The following TMTC2 variants were observed in gnomAD, a reference collection of about 807,000 sequenced individuals.
The protein encoded by TMTC2 is protein O-mannosyl-transferase TMTC2.
TMTC2 carries 43 observed loss-of-function variants against 82.4 expected under a neutral mutation model. That is an observed-to-expected ratio of 0.52 (90% CI 0.41 to 0.67). The LOEUF (loss-of-function observed/expected upper bound fraction) is 0.67. Ranked by LOEUF, TMTC2 falls within the 30% of genes least tolerant of loss-of-function variation. The pLI is 0.00. For synonymous variants in TMTC2, 408 were observed against 381.9 expected, an observed-to-expected ratio of 1.07 and a Z score of -0.80; for missense variants, 919 against 1,012.4, an observed-to-expected ratio of 0.91 and a Z score of 1.25.
At chr12:83,077,143 C>T (rs78387095) in intron 11 of TMTC2, among the ~76,000 whole-genome samples, 7,890 of 152,192 alleles carry the variant, frequency 0.052, 249 homozygotes, top group East Asian at 0.088. Context: ...GAAAATGCTA[C>T]CCCAAATATG....
intron 3 of TMTC2, among the ~76,000 whole-genome samples, chr12:82,907,775 A>G (rs1421824527): frequency 2.0e-5 from 3 of 152,210 alleles, no homozygotes; most frequent in African/African-American, 7.2e-5. Context: ...CATATGATTA[A>G]GCATGAAGGT....
In TMTC2 at chr12:82,948,765, A is replaced by G. The variant is rs564917048; in HGVS notation, c.1599-16259A>G. ...GTCATCTCTAACCCAAATTATAACC[A>G]TATCTGTGATGGAATCTTGCCGTGA... On this transcript the variant is annotated intron_variant, in intron 4 of 11. Transcript: ENST00000321196. 6.6e-5 allele frequency among the ~76,000 whole-genome samples: 10 copies of G among 152,184 alleles called. No homozygotes were observed. The South Asian group carries it at 1.9e-3, about 28-fold the overall frequency.
chr12:82,895,731 A>T, intron 2 of TMTC2, 87 bp from the exon 3 acceptor site: 1 of 1,231,634 alleles, frequency 8.1e-7, no homozygotes, highest in Non-Finnish European at 1.1e-6. Flanking sequence ...CGGTCCATTT[A>T]AAAATGTATT....
At chr12:82,974,294 G>A (rs1353765928) in intron 7 of TMTC2, among the ~76,000 whole-genome samples, 1 of 151,994 alleles carries the variant, frequency 6.6e-6, no homozygotes, top group Non-Finnish European at 1.5e-5. Flanking sequence ...TCTTTAATTG[G>A]GACAATACAT....
intron 1 of TMTC2, among the ~76,000 whole-genome samples, chr12:82,851,898 C>T (rs1162001611): frequency 6.8e-6 from 1 of 146,818 alleles, no homozygotes; most frequent in Non-Finnish European, 1.5e-5. Context: ...GAAAAGGTCA[C>T]GAGACAAAAA....
At chr12:82,799,807 G>T (rs10746258) in intron 1 of TMTC2, among the ~76,000 whole-genome samples, 1 of 151,786 alleles carries the variant, frequency 6.6e-6, no homozygotes, top group Non-Finnish European at 1.5e-5. Flanking sequence ...AGGTCTTGCC[G>T]ATGAATCCCT....
chr12:82,935,235 TATC>T (rs1876254187), intron 4 of TMTC2, among the ~76,000 whole-genome samples: 1 of 152,180 alleles, frequency 6.6e-6, no homozygotes, highest in African/African-American at 2.4e-5. Flanking sequence ...TATCATTTGA[TATC>T]ATTTGAATCC....
chr12:83,098,077 G>A (rs1161623379), intron 11 of TMTC2, among the ~76,000 whole-genome samples: 1 of 152,178 alleles, frequency 6.6e-6, no homozygotes, highest in Non-Finnish European at 1.5e-5. Flanking sequence ...TGGATTTGTG[G>A]GACAAACTGG....
chr12:83,080,416 A>T (rs58010352), intron 11 of TMTC2, among the ~76,000 whole-genome samples: 1,528 of 151,998 alleles, frequency 0.01, 37 homozygotes, highest in African/African-American at 0.034. Context: ...ATGATTAGCT[A>T]AGATTTTTAT....
At chr12:83,111,031 TTCTTCCAG>T (rs1884584192) in intron 11 of TMTC2, among the ~76,000 whole-genome samples, 1 of 152,228 alleles carries the variant, frequency 6.6e-6, no homozygotes, top group Non-Finnish European at 1.5e-5. Context: ...AATGGCTTCA[TTCTTCCAG>T]TCTTATAAAC....
chr12:82,912,780 A>T (rs919684397), intron 3 of TMTC2, among the ~76,000 whole-genome samples: 1 of 152,050 alleles, frequency 6.6e-6, no homozygotes, highest in African/African-American at 2.4e-5. Flanking sequence ...TCCACAAAAA[A>T]TTCAAAAAAT....
intron 1 of TMTC2, among the ~76,000 whole-genome samples, chr12:82,689,150 A>G (rs923012831): frequency 2.0e-5 from 3 of 152,230 alleles, no homozygotes; most frequent in African/African-American, 4.8e-5. Flanking sequence ...GTAATGGTGC[A>G]CCTGCTATTT....
At chr12:82,971,827 A>G (rs374982405) in intron 7 of TMTC2, among the ~76,000 whole-genome samples, 3 of 147,596 alleles carry the variant, frequency 2.0e-5, no homozygotes, top group East Asian at 4.0e-4. Context: ...AAAAAAAATT[A>G]AGTCATAAGT....
intron 8 of TMTC2, 82 bp downstream of exon 8, chr12:82,986,128 CA>C: frequency 6.3e-7 from 1 of 1,582,024 alleles, no homozygotes; most frequent in South Asian, 1.1e-5. Context: ...TACTGTTTTA[CA>C]GCCAGTTATC....
intron 1 of TMTC2, among the ~76,000 whole-genome samples, chr12:82,719,582 C>A (rs1423236154): frequency 1.3e-5 from 2 of 151,600 alleles, no homozygotes; most frequent in East Asian, 1.9e-4. Flanking sequence ...TGAGCAAATG[C>A]CTTTTCCTTT....
intron 11 of TMTC2, among the ~76,000 whole-genome samples, chr12:83,068,763 A>G (rs1883008396): frequency 6.6e-6 from 1 of 151,968 alleles, no homozygotes; most frequent in Admixed American, 6.6e-5. Context: ...ATTTGGTTAC[A>G]TGAGTACTTT....
intron 8 of TMTC2, among the ~76,000 whole-genome samples, chr12:83,015,893 G>T (rs1880656242): frequency 6.6e-6 from 1 of 152,120 alleles, no homozygotes; most frequent in African/African-American, 2.4e-5. Flanking sequence ...CTGGCCATTT[G>T]TGCGTGTTTT....
intron 2 of TMTC2, among the ~76,000 whole-genome samples, chr12:82,881,959 G>A (rs1215704001): frequency 6.8e-6 from 1 of 146,626 alleles, no homozygotes; most frequent in East Asian, 2.0e-4. Context: ...CTTTTCCCAC[G>A]TTACCCATCC....
At chr12:82,762,089 C>T (rs1449371830) in intron 1 of TMTC2, among the ~76,000 whole-genome samples, 1 of 151,158 alleles carries the variant, frequency 6.6e-6, no homozygotes, top group Non-Finnish European at 1.5e-5. Context: ...GCCTCAGCCT[C>T]CTGAGTAACT....
Sources: allele counts gnomAD v4.1 joint callset (sites outside exome capture counted in the v4.1 genomes callset), GRCh38; gene constraint gnomAD v4.1.1; transcripts MANE v1.5; gene names NCBI Gene and HGNC (gene_info 2026-07-23, HGNC 2026-07-21).